The following NRG1 variants were observed in gnomAD, a reference collection of about 807,000 sequenced individuals.
NRG1 encodes neuregulin 1.
NRG1 carries 18 observed loss-of-function variants against 63.8 expected under a neutral mutation model. The ratio of observed to expected loss-of-function variants is 0.28; its 90% confidence interval spans 0.19 to 0.42. NRG1 has a LOEUF of 0.42. Ranked by LOEUF, NRG1 falls within the 10% of genes least tolerant of loss-of-function variation. The probability of loss-of-function intolerance (pLI) is 1.00; values close to 1 mark genes in which losing one functional copy is unlikely to be tolerated. For synonymous variants in NRG1, 302 were observed against 301.3 expected (o/e 1.00, Z -0.02); for missense variants, 762 against 814.7 (o/e 0.94, Z 0.79).
At chr8:32,075,264 A>G (rs550959902) in intron 1 of NRG1, among the ~76,000 whole-genome samples, 1 of 151,494 alleles carries the variant, frequency 6.6e-6, no homozygotes, top group South Asian at 2.1e-4. Context: ...TGACCATATT[A>G]CTTATACCCT....
intron 1 of NRG1, among the ~76,000 whole-genome samples, chr8:32,242,712 C>T (rs528052733): frequency 2.5e-4 from 38 of 152,172 alleles, no homozygotes; most frequent in African/African-American, 8.2e-4. Flanking sequence ...ATAATCTTAC[C>T]ATTAGTTATT....
intron 1 of NRG1, among the ~76,000 whole-genome samples, chr8:32,197,122 T>C (rs1489014203): frequency 2.6e-5 from 4 of 151,520 alleles, no homozygotes; most frequent in Non-Finnish European, 5.9e-5. Flanking sequence ...ACTAACCCCA[T>C]CTAATTTTTG....
intron 1 of NRG1, among the ~76,000 whole-genome samples, chr8:32,444,456 TG>T (rs1704399206): frequency 6.6e-6 from 1 of 152,196 alleles, no homozygotes; most frequent in South Asian, 2.1e-4. Flanking sequence ...CATTTTCTTA[TG>T]TTTCCCATAT....
intron 2 of NRG1, among the ~76,000 whole-genome samples, chr8:32,600,354 A>AC (rs1844125238): frequency 5.3e-5 from 8 of 151,030 alleles, no homozygotes; most frequent in Admixed American, 3.3e-4. Flanking sequence ...ACACACACAC[A>AC]AACACTGTCT....
chr8:31,783,614 A>AAC (rs1347235214), intron 1 of NRG1, among the ~76,000 whole-genome samples: 2 of 151,768 alleles, frequency 1.3e-5, no homozygotes, highest in Non-Finnish European at 1.5e-5. Context: ...AAAAAAAAAA[A>AAC]AAAACAAAAA....
chr8:31,784,289 A>G (rs1232544623), intron 1 of NRG1, among the ~76,000 whole-genome samples: 1 of 152,186 alleles, frequency 6.6e-6, no homozygotes, highest in Non-Finnish European at 1.5e-5. Flanking sequence ...AACACTCACT[A>G]CTTGTTAAGG....
At chr8:31,808,575 C>T (rs1208808497) in intron 1 of NRG1, among the ~76,000 whole-genome samples, 1 of 151,872 alleles carries the variant, frequency 6.6e-6, no homozygotes, top group Non-Finnish European at 1.5e-5. Flanking sequence ...TGTTCTTCTT[C>T]CATCTTTTTT....
intron 5 of NRG1, among the ~76,000 whole-genome samples, chr8:32,713,720 A>ATGTTATAAATATATAATATATT (rs1212019054): frequency 3.4e-5 from 5 of 146,390 alleles, no homozygotes; most frequent in South Asian, 2.1e-4. Context: ...TAATATATTT[A>ATGTTATAAATATATAATATATT]TGTTATAAAT....
intron 1 of NRG1, among the ~76,000 whole-genome samples, chr8:31,695,258 C>T (rs1204535114): frequency 6.6e-6 from 1 of 152,168 alleles, no homozygotes; most frequent in Non-Finnish European, 1.5e-5. Context: ...CACCCTCTGC[C>T]TCTCAGGTTC....
At chr8:31,948,946 T>C (rs916781841) in intron 1 of NRG1, among the ~76,000 whole-genome samples, 17 of 152,232 alleles carry the variant, frequency 1.1e-4, no homozygotes, top group African/African-American at 4.1e-4. Flanking sequence ...GTATATTTTT[T>C]ACCTGTCTTG....
intron 1 of NRG1, among the ~76,000 whole-genome samples, chr8:31,758,477 AATG>A (rs1450520194): frequency 6.6e-6 from 1 of 152,180 alleles, no homozygotes; most frequent in Non-Finnish European, 1.5e-5. Context: ...AATGCCCATC[AATG>A]ATACACTGAA....
At chr8:32,375,532 T>C (rs909382239) in intron 1 of NRG1, among the ~76,000 whole-genome samples, 15 of 152,178 alleles carry the variant, frequency 9.9e-5, no homozygotes, top group African/African-American at 3.6e-4. Context: ...TGCCCATCCT[T>C]AGCCCAGAGT....
At chr8:32,441,011 C>T (rs1819461129) in intron 1 of NRG1, among the ~76,000 whole-genome samples, 1 of 151,976 alleles carries the variant, frequency 6.6e-6, no homozygotes, top group South Asian at 2.1e-4. Context: ...AAAGCACACT[C>T]ATTAATTACA....
chr8:32,551,430 C>T (rs1834084994), intron 1 of NRG1, among the ~76,000 whole-genome samples: 1 of 152,126 alleles, frequency 6.6e-6, no homozygotes, highest in African/African-American at 2.4e-5. Flanking sequence ...TCATGACAGT[C>T]AGGGGAGAGA....
intron 5 of NRG1, among the ~76,000 whole-genome samples, chr8:32,711,624 A>C (rs1817837870): frequency 6.6e-6 from 1 of 152,176 alleles, no homozygotes; most frequent in Non-Finnish European, 1.5e-5. Flanking sequence ...AAGAGGAAAG[A>C]AGATGTTTAA....
chr8:32,470,764 C>G (rs1489253099), intron 1 of NRG1, among the ~76,000 whole-genome samples: 1 of 151,546 alleles, frequency 6.6e-6, no homozygotes, highest in Non-Finnish European at 1.5e-5. Flanking sequence ...TTTTAGGAGC[C>G]TTTTTGCAAC....
At chr8:31,766,315 A>T (rs1356284188) in intron 1 of NRG1, among the ~76,000 whole-genome samples, 6 of 152,200 alleles carry the variant, frequency 3.9e-5, no homozygotes, top group African/African-American at 1.4e-4. Flanking sequence ...GTCGTAGATA[A>T]GTGTCTTCAC....
chr8:32,434,283 C>T (rs879488762), intron 1 of NRG1, among the ~76,000 whole-genome samples: 11 of 152,064 alleles, frequency 7.2e-5, no homozygotes, highest in South Asian at 2.1e-4. Flanking sequence ...CTGAGCTAAA[C>T]GTTGTATATA....
chr8:32,559,846 AAAAAAAAG>A (rs947119828), intron 1 of NRG1, among the ~76,000 whole-genome samples: 23 of 151,268 alleles, frequency 1.5e-4, no homozygotes, highest in Non-Finnish European at 2.9e-4. Context: ...AAATACAAAA[AAAAAAAAG>A]AAAGAAAAAG....
Sources: gnomAD v4.1 joint callset for allele counts (sites outside exome capture counted in the v4.1 genomes callset) on GRCh38, gnomAD v4.1.1 for gene constraint, MANE v1.5 for transcripts, NCBI Gene and HGNC (gene_info 2026-07-23, HGNC 2026-07-21) for gene names.